The following CNKSR2 variants were observed in gnomAD, a reference collection of about 807,000 sequenced individuals.
CNKSR2 encodes CNK homolog protein 2.
In CNKSR2, 14 loss-of-function variants were observed where a neutral mutation model predicts 84.4. The ratio of observed to expected loss-of-function variants is 0.17; its 90% CI spans 0.11 to 0.26. The LOEUF (loss-of-function observed/expected upper bound fraction) is 0.26. CNKSR2 is among the 10% of genes least tolerant of loss of function. The pLI is 1.00. For synonymous variants in CNKSR2, 275 were observed against 277.9 expected, an observed-to-expected ratio of 0.99 and a Z score of 0.10; for missense variants, 485 against 771.2, an observed-to-expected ratio of 0.63 and a Z score of 4.40.
chrX:21,463,246 G>A (rs1471160036), intron 4 of CNKSR2, among the ~76,000 whole-genome samples: 1 of 110,800 alleles, frequency 9.0e-6, no homozygotes, highest in East Asian at 2.8e-4. Flanking sequence ...ATTTTGTTGA[G>A]GATTTTTACA....
chrX:21,612,462 T>C (rs1332715262), intron 20 of CNKSR2, among the ~76,000 whole-genome samples: 1 of 112,286 alleles, frequency 8.9e-6, no homozygotes, highest in Non-Finnish European at 1.9e-5. Flanking sequence ...CTGAAGTGAA[T>C]TGTAGTCATC....
At position 21,547,992 on chromosome X, in the gene CNKSR2, G is replaced by A. The variant is rs774773119; in HGVS notation, c.1304-13479G>A. On this transcript the variant is annotated intron_variant, in intron 11 of 21. Coordinates refer to ENST00000379510, the MANE Select transcript of CNKSR2 (RefSeq NM_014927.5). ...GAGAAAATGGGAAAGATCTAAAATC[G>A]ACACCCTAACATGACAATTAAAAGA... Among the ~76,000 whole-genome samples the A allele has an allele frequency of 1.8e-3, 205 of 111,520 alleles. 1 individual carries two copies. Among genetic ancestry groups the A allele is most frequent in the African/African-American group, 5.9e-3 (181 of 30,665 alleles).
chrX:21,491,080 A>G (rs776942714), intron 6 of CNKSR2: 2 of 111,588 alleles, frequency 1.8e-5, no homozygotes, highest in Non-Finnish European at 3.8e-5. Context: ...GCACGTGGAT[A>G]TTGCCAACAC....
At position 21,441,649 on chromosome X, in the gene CNKSR2, A is replaced by G. The variant is rs776930622; in HGVS notation, c.519+868A>G. Among the ~76,000 whole-genome samples, 8 of 111,849 alleles carry G rather than the reference A, an allele frequency of 7.2e-5. No homozygotes were observed. The East Asian group carries it at 2.0e-3, about 27-fold the overall frequency. ...GCTTACGAACAGTTAATGTTCATCT[A>G]ATCATCTAATTCAGCCATTATATAC... On this transcript the variant is annotated intron_variant, in intron 4 of 21. Transcript: ENST00000379510.
chrX:21,622,012 A>T (rs939115959), intron 20 of CNKSR2, among the ~76,000 whole-genome samples: 2 of 110,598 alleles, frequency 1.8e-5, no homozygotes, highest in Non-Finnish European at 3.8e-5. Flanking sequence ...TAGCCCTAAG[A>T]TAATTTCCAA....
intron 4 of CNKSR2, among the ~76,000 whole-genome samples, chrX:21,453,586 C>T (rs919477739): frequency 7.2e-5 from 8 of 111,855 alleles, no homozygotes; most frequent in African/African-American, 2.3e-4. Flanking sequence ...ATCTCATGCC[C>T]TTGTTGCTCT....
intron 4 of CNKSR2, among the ~76,000 whole-genome samples, chrX:21,460,190 G>A (rs2091044413): frequency 8.9e-6 from 1 of 111,844 alleles, no homozygotes; most frequent in South Asian, 3.7e-4. Context: ...TTCTAATTCA[G>A]TTTTATCAAA....
chrX:21,485,811 A>G (rs1219287723), intron 5 of CNKSR2, among the ~76,000 whole-genome samples: 2 of 111,986 alleles, frequency 1.8e-5, no homozygotes, highest in East Asian at 5.6e-4. Context: ...TTTTTCTTCT[A>G]TTTTTAGAAA....
At chrX:21,636,039 T>G (rs2092671071) in intron 20 of CNKSR2, among the ~76,000 whole-genome samples, 1 of 111,172 alleles carries the variant, frequency 9.0e-6, no homozygotes, top group African/African-American at 3.3e-5. Context: ...CTAATAGGGT[T>G]TGAAGGACCA....
intron 11 of CNKSR2, among the ~76,000 whole-genome samples, chrX:21,548,784 C>T (rs183174415): frequency 6.4e-4 from 72 of 111,982 alleles, no homozygotes; most frequent in Admixed American, 6.2e-3. Context: ...AATCAATAAA[C>T]GTAATCCATC....
chrX:21,588,835 A>G (rs1048645309), intron 13 of CNKSR2, among the ~76,000 whole-genome samples: 5 of 111,433 alleles, frequency 4.5e-5, no homozygotes, highest in African/African-American at 1.6e-4. Context: ...CATCTTTGTC[A>G]TTTTTCAAAA....
At chrX:21,419,982 C>T (rs901143751) in intron 1 of CNKSR2, among the ~76,000 whole-genome samples, 1 of 112,593 alleles carries the variant, frequency 8.9e-6, no homozygotes, top group African/African-American at 3.2e-5. Flanking sequence ...CCCTTCAGGG[C>T]AGCAATTTCC....
At chrX:21,475,830 A>G (rs935621685) in intron 5 of CNKSR2, among the ~76,000 whole-genome samples, 9 of 111,508 alleles carry the variant, frequency 8.1e-5, no homozygotes, top group African/African-American at 2.9e-4. Flanking sequence ...AGTGTCTCGG[A>G]TTTCGGATTT....
intron 5 of CNKSR2, among the ~76,000 whole-genome samples, chrX:21,489,496 A>G (rs1815368337): frequency 9.0e-6 from 1 of 111,660 alleles, no homozygotes; most frequent in Non-Finnish European, 1.9e-5. Context: ...AGTAAATACA[A>G]TGAGAGTCTG....
At chrX:21,520,477 A>G (rs1339120304) in intron 9 of CNKSR2, among the ~76,000 whole-genome samples, 2 of 79,480 alleles carry the variant, frequency 2.5e-5, no homozygotes, top group Non-Finnish European at 4.1e-5. Flanking sequence ...TTCTAATTCA[A>G]TGAAAAAAAA....
chrX:21,388,200 A>G (rs1046701339), intron 1 of CNKSR2, among the ~76,000 whole-genome samples: 1 of 112,004 alleles, frequency 8.9e-6, no homozygotes, highest in Non-Finnish European at 1.9e-5. Context: ...CGCCAGGCCT[A>G]TTTTTCCCTA....
chrX:21,387,930 C>T (rs756827658), intron 1 of CNKSR2, among the ~76,000 whole-genome samples: 1 of 110,713 alleles, frequency 9.0e-6, no homozygotes, highest in African/African-American at 3.3e-5. Context: ...GATGGAGTCT[C>T]GCTCTGTCGC....
chrX:21,520,653 G>A (rs994710484), intron 9 of CNKSR2, among the ~76,000 whole-genome samples: 7 of 109,168 alleles, frequency 6.4e-5, no homozygotes, highest in Admixed American at 3.9e-4. Context: ...AATCATCACT[G>A]GGAATCAATG....
intron 5 of CNKSR2, among the ~76,000 whole-genome samples, chrX:21,482,861 A>G (rs1433544932): frequency 1.8e-5 from 2 of 111,607 alleles, no homozygotes; most frequent in African/African-American, 6.5e-5. Context: ...CCCCACCATG[A>G]GAGTTTGACA....
Sources: allele counts gnomAD v4.1 joint callset (sites outside exome capture counted in the v4.1 genomes callset), GRCh38; gene constraint gnomAD v4.1.1; transcripts MANE v1.5; gene names NCBI Gene and HGNC (gene_info 2026-07-23, HGNC 2026-07-21).